The following RYR2 variants were observed in gnomAD, a reference collection of about 807,000 sequenced individuals.
RYR2 encodes cardiac muscle ryanodine receptor-calcium release channel.
In RYR2, 227 loss-of-function variants were observed where a neutral mutation model predicts 601.1. The ratio of observed to expected loss-of-function variants is 0.38; its 90% confidence interval spans 0.34 to 0.42. RYR2 has a LOEUF of 0.42. Among genes scored for constraint, RYR2 ranks in the 10% least tolerant of loss-of-function variants. The probability of loss-of-function intolerance (pLI) is 1.00; values close to 1 mark genes in which losing one functional copy is unlikely to be tolerated. For missense variants in RYR2, 4,646 were observed against 6,156.5 expected (o/e 0.75, Z 8.21); for synonymous variants, 2,223 against 2,175.1 (o/e 1.02, Z -0.61).
chr1:237,649,562 C>T (rs1682514285), intron 49 of RYR2, among the ~76,000 whole-genome samples: 1 of 152,000 alleles, frequency 6.6e-6, no homozygotes, highest in African/African-American at 2.4e-5. Context: ...ATACTCACAT[C>T]TGTGATATTA....
chr1:237,123,636 T>G (rs1487981762), intron 1 of RYR2, among the ~76,000 whole-genome samples: 1 of 148,934 alleles, frequency 6.7e-6, no homozygotes, highest in Admixed American at 6.7e-5. Flanking sequence ...TCTCCTTTGA[T>G]CCTATCAGTC....
At chr1:237,384,045 A>T (rs1701778307) in intron 8 of RYR2, among the ~76,000 whole-genome samples, 2 of 152,168 alleles carry the variant, frequency 1.3e-5, no homozygotes, top group African/African-American at 2.4e-5. Flanking sequence ...GCCTGACGTG[A>T]TGTAGTTTTT....
At position 237,724,184 on chromosome 1, in the gene RYR2, C is replaced by CATATATATATATATATAT. The variant is rs35705894; in HGVS notation, c.10689+939_10689+956dup. Reference sequence around the variant, plus strand: ...TGCCACCTAAATGTATGTGTGTGTGCATATATATATATATATATATATATA... The same window carrying CATATATATATATATATAT: ...TGCCACCTAAATGTATGTGTGTGTGCATATATATATATATATATATATATATATATATATATATATATA... On this transcript the variant is annotated intron_variant, in intron 74 of 104. Transcript: ENST00000366574. 8.1e-4 allele frequency among the ~76,000 whole-genome samples: 111 copies of CATATATATATATATATAT among 136,924 alleles called. 1 individual carries two copies. The highest frequency in any genetic ancestry group is 1.1e-3 in the Non-Finnish European group (70 of 64,486). 89.8% of individuals were successfully genotyped at this position (136,924 alleles called of 152,430 possible).
chr1:237,791,356 G>C, intron 92 of RYR2, 73 bp from the exon 93 acceptor site: 1 of 785,986 alleles, frequency 1.3e-6, no homozygotes, highest in Non-Finnish European at 2.2e-6. Flanking sequence ...ATGAATGAAT[G>C]CTTTATTTAA....
intron 11 of RYR2, 97 bp downstream of exon 11, chr1:237,417,220 A>T (rs981365249): frequency 5.6e-6 from 5 of 893,200 alleles, no homozygotes; most frequent in Non-Finnish European, 9.0e-6. Context: ...AAACTACAGC[A>T]AGCAAGCGAA....
chr1:237,054,175 CCTTCCCTCCCTCCCTT>C (rs1260403066), intron 1 of RYR2, among the ~76,000 whole-genome samples: 1 of 151,048 alleles, frequency 6.6e-6, no homozygotes, highest in Non-Finnish European at 1.5e-5. Context: ...CTCCCTCCCT[CCTTCCCTCCCTCCCTT>C]CTTCCCTTCT....
chr1:237,224,934 G>T (rs552033328), intron 1 of RYR2, among the ~76,000 whole-genome samples: 1 of 152,154 alleles, frequency 6.6e-6, no homozygotes, highest in African/African-American at 2.4e-5. Context: ...GGAAGGTTAC[G>T]AAATTTGCCC....
chr1:237,760,831 TTTTC>T, intron 83 of RYR2, 120 bp from the exon 84 acceptor site: 1 of 677,674 alleles, frequency 1.5e-6, no homozygotes, highest in Non-Finnish European at 2.6e-6. Flanking sequence ...TGGAGACATG[TTTTC>T]AGTGTACGTT....
At chr1:237,484,728 G>T (rs1033440401) in intron 17 of RYR2, among the ~76,000 whole-genome samples, 10 of 152,246 alleles carry the variant, frequency 6.6e-5, no homozygotes, top group South Asian at 4.1e-4. Context: ...CTCTAATGAA[G>T]TTCCTACAGA....
intron 41 of RYR2, among the ~76,000 whole-genome samples, chr1:237,630,540 G>A (rs939951712): frequency 7.2e-5 from 11 of 152,108 alleles, no homozygotes; most frequent in Non-Finnish European, 1.5e-4. Flanking sequence ...GAATAGGTGA[G>A]TAATTCAGTT....
chr1:237,659,672 G>A (rs187985801), intron 54 of RYR2, among the ~76,000 whole-genome samples: 49 of 152,258 alleles, frequency 3.2e-4, no homozygotes, highest in Non-Finnish European at 5.7e-4. Flanking sequence ...TAAGACCTTG[G>A]TCTGTTTAAG....
intron 29 of RYR2, among the ~76,000 whole-genome samples, chr1:237,572,687 C>T (rs746036771): frequency 6.6e-6 from 1 of 152,024 alleles, no homozygotes; most frequent in Non-Finnish European, 1.5e-5. Flanking sequence ...GGAGGACCTG[C>T]GTTTTGGTCT....
chr1:237,442,146 A>T (rs982882274), intron 13 of RYR2, among the ~76,000 whole-genome samples: 1 of 152,180 alleles, frequency 6.6e-6, no homozygotes, highest in Non-Finnish European at 1.5e-5. Context: ...AGCTTTGCAG[A>T]ATTATGAGCC....
intron 1 of RYR2, among the ~76,000 whole-genome samples, chr1:237,076,977 T>G: frequency 1.5e-4 from 1 of 6,580 alleles, no homozygotes; most frequent in Non-Finnish European, 3.8e-4. Context: ...TATTCAACAT[T>G]CTTAAAGAAA....
chr1:237,685,264 C>G (rs1162998293), intron 62 of RYR2, among the ~76,000 whole-genome samples: 3 of 152,004 alleles, frequency 2.0e-5, no homozygotes, highest in Non-Finnish European at 4.4e-5. Flanking sequence ...AATACCATGC[C>G]CTAAAAGTGG....
intron 24 of RYR2, among the ~76,000 whole-genome samples, chr1:237,525,607 C>T (rs960444382): frequency 4.6e-5 from 7 of 151,908 alleles, no homozygotes; most frequent in South Asian, 4.2e-4. Context: ...TCCACCACCA[C>T]GCCTGGCTAA....
chr1:237,193,635 G>C (rs1680253041), intron 1 of RYR2, among the ~76,000 whole-genome samples: 1 of 152,084 alleles, frequency 6.6e-6, no homozygotes, highest in Non-Finnish European at 1.5e-5. Context: ...GAAGGGGTGA[G>C]GGGGAAGAAG....
At chr1:237,295,289 G>A (rs973262350) in intron 2 of RYR2, among the ~76,000 whole-genome samples, 1 of 150,478 alleles carries the variant, frequency 6.6e-6, no homozygotes, top group African/African-American at 2.4e-5. Context: ...AAAAAAAAAT[G>A]AGTCAGGAAA....
rs1446727200 is a variant in RYR2 at position 237,457,908 on chromosome 1, A to G, written c.1612+1173A>G. ...GTTTAGACATTGTTCACATTTCTAT[A>G]TCATTCTAGAAGATAAAGTTCACCT... On this transcript the variant is annotated intron_variant, in intron 16 of 104. Transcript: ENST00000366574. Among the ~76,000 whole-genome samples the G allele has an allele frequency of 2.6e-5, 4 of 152,146 alleles. No individual in the cohort carries two copies. In the East Asian group the frequency reaches 7.7e-4, roughly 29 times the overall value.
Sources: gnomAD v4.1 joint callset for allele counts (sites outside exome capture counted in the v4.1 genomes callset) on GRCh38, gnomAD v4.1.1 for gene constraint, MANE v1.5 for transcripts, NCBI Gene and HGNC (gene_info 2026-07-23, HGNC 2026-07-21) for gene names.